The following ABCC4 variants were observed in gnomAD, a reference collection of about 807,000 sequenced individuals.
ABCC4 encodes ATP-binding cassette sub-family C member 4.
Under a neutral mutation model 168.5 loss-of-function variants are expected in ABCC4, and 102 were observed. The observed-to-expected ratio is 0.61, with a 90% CI of 0.52 to 0.71. ABCC4 has a LOEUF of 0.71. Ranked by LOEUF, ABCC4 falls within the 30% of genes least tolerant of loss-of-function variation. The pLI is 0.00. For synonymous variants in ABCC4, 617 were observed against 590.7 expected (o/e 1.04, Z -0.65); for missense variants, 1,402 against 1,605.8 (o/e 0.87, Z 2.17).
chr13:95,291,130 G>C (rs1289040361), intron 1 of ABCC4, among the ~76,000 whole-genome samples: 1 of 152,044 alleles, frequency 6.6e-6, no homozygotes, highest in Non-Finnish European at 1.5e-5. Flanking sequence ...AAGGCAGGTG[G>C]ATCACTTGAG....
At chr13:95,182,587 A>T (rs568056835) in intron 11 of ABCC4, among the ~76,000 whole-genome samples, 1 of 152,362 alleles carries the variant, frequency 6.6e-6, no homozygotes, top group African/African-American at 2.4e-5. Context: ...GGCTCTTATA[A>T]TTAAGAAGGC....
At chr13:95,067,281 C>T (rs118157038) in intron 25 of ABCC4, among the ~76,000 whole-genome samples, 3,011 of 152,164 alleles carry the variant, frequency 0.02, 43 homozygotes, top group Non-Finnish European at 0.029. Flanking sequence ...GGGAATCACA[C>T]AGAATTAAAT....
intron 4 of ABCC4, among the ~76,000 whole-genome samples, chr13:95,223,355 A>G (rs1468652303): frequency 6.6e-6 from 1 of 152,222 alleles, no homozygotes; most frequent in Admixed American, 6.5e-5. Flanking sequence ...TATAAATAAT[A>G]AAAGTAAATC....
chr13:95,180,782 G>C (rs2037864541), intron 11 of ABCC4, among the ~76,000 whole-genome samples: 1 of 152,148 alleles, frequency 6.6e-6, no homozygotes, highest in African/African-American at 2.4e-5. Flanking sequence ...AGTTGTAGCA[G>C]AGCAATCTTA....
At position 95,209,540 on chromosome 13, in the gene ABCC4, C is replaced by A. The variant is rs375791420; in HGVS notation, c.679G>T (p.Ala227Ser). 204 of 1,614,046 alleles carry A rather than the reference C, an allele frequency of 1.3e-4. No individual in the cohort carries two copies. Among genetic ancestry groups the A allele is most frequent in the Middle Eastern group, 1.6e-4 (1 of 6,084 alleles). The change falls in exon 6 of 31, where the codon GCC (alanine) becomes TCC (serine). Residue 227 changes from alanine (A) to serine (S), a missense_variant. This residue lies in a region of ABCC4 where 317 missense variants were observed against 345.5 expected (regional missense o/e 0.92). Coordinates refer to ENST00000645237, the MANE Select transcript of ABCC4 (RefSeq NM_005845.5). The stretch of plus-strand genomic sequence containing the variant: ...ATTCCTATCTCCATCCAGAGTAGGG[C>A]AGTCACTGCAATCGCCTGCAGTGGT... The part of the protein sequence containing the change: ...AGPLQAIAVT[A>S]LLWMEIGISC...
At chr13:95,036,898 A>G (rs2032144907) in intron 29 of ABCC4, among the ~76,000 whole-genome samples, 1 of 152,094 alleles carries the variant, frequency 6.6e-6, no homozygotes, top group Admixed American at 6.5e-5. Flanking sequence ...AGCCTGGCCA[A>G]CATGACAAAA....
intron 19 of ABCC4, among the ~76,000 whole-genome samples, chr13:95,142,214 C>T (rs957960364): frequency 4.6e-5 from 7 of 151,978 alleles, no homozygotes; most frequent in South Asian, 4.2e-4. Flanking sequence ...ATAAAGAAAC[C>T]GTGGAATATA....
In ABCC4 at chr13:95,296,135, A is replaced by AACACAC. The variant is rs753316849; in HGVS notation, c.74+5100_74+5105dup. 1.5e-3 allele frequency among the ~76,000 whole-genome samples: 146 copies of AACACAC among 98,952 alleles called. 1 individual carries two copies. The highest frequency in any genetic ancestry group is 5.7e-3 in the African/African-American group (142 of 24,784). The allele number at this position is 98,952 out of a possible 152,430, so 64.9% of individuals were successfully genotyped here. ...GCAACAGAGCAAGACCCTGTCTCAA[A>AACACAC]ACACACACACACACACACACACACA... On this transcript the variant is annotated intron_variant, in intron 1 of 30. Transcript: ENST00000645237.
chr13:95,205,657 T>C (rs571366806), intron 8 of ABCC4, among the ~76,000 whole-genome samples: 30 of 152,338 alleles, frequency 2.0e-4, no homozygotes, highest in African/African-American at 7.2e-4. Flanking sequence ...GTGGATGCTA[T>C]GGTTTGAATG....
At chr13:95,254,511 T>C (rs968930191) in intron 1 of ABCC4, among the ~76,000 whole-genome samples, 1 of 152,084 alleles carries the variant, frequency 6.6e-6, no homozygotes, top group Non-Finnish European at 1.5e-5. Context: ...CACCTTTTCA[T>C]CCCACAAAAA....
At chr13:95,213,224 C>T (rs145738922) in intron 4 of ABCC4, among the ~76,000 whole-genome samples, 5 of 152,024 alleles carry the variant, frequency 3.3e-5, no homozygotes, top group East Asian at 3.9e-4. Flanking sequence ...AAAACTGTAA[C>T]GTTGGGCAAA....
intron 1 of ABCC4, among the ~76,000 whole-genome samples, chr13:95,252,957 C>T (rs2040304317): frequency 6.6e-6 from 1 of 152,238 alleles, no homozygotes; most frequent in African/African-American, 2.4e-5. Context: ...GAATTCAACA[C>T]TTATTTTAAA....
chr13:95,178,118 GAA>G (rs1244337786), intron 11 of ABCC4, 27 bp from the exon 12 acceptor site: 2 of 1,591,304 alleles, frequency 1.3e-6, no homozygotes, highest in Non-Finnish European at 1.7e-6. Context: ...AAGAAGGGGG[GAA>G]AAAGAGACTT....
intron 20 of ABCC4, among the ~76,000 whole-genome samples, chr13:95,109,558 T>A (rs1411408402): frequency 1.3e-5 from 2 of 152,194 alleles, no homozygotes; most frequent in Non-Finnish European, 2.9e-5. Flanking sequence ...GCAAAACAAA[T>A]CTATTTAGAT....
In ABCC4 at chr13:95,194,915, A is replaced by G. The variant is rs1211159189; in HGVS notation, c.1184T>C (p.Ile395Thr). Residue 395 changes from isoleucine to threonine, a missense_variant, in exon 9 of 31, where the codon ATA (isoleucine) becomes ACA (threonine). Physicochemically the swap from Ile to Thr is moderately conservative, Grantham distance 89. Around this residue, in one of 3 missense-constraint regions of ABCC4, gnomAD observed 1,007 missense variants for 1,127.3 expected, o/e 0.89. Transcript: ENST00000645237. ...CGGCAGCTGACGGTTGCGCTGTGAT[A>G]TCTCATCAAGTAGCAAAAAGGTCTA... ...RIQTFLLLDE[I>T]SQRNRQLPSD... 2.5e-6 allele frequency: 4 copies of G among 1,614,008 alleles called. No individual in the cohort carries two copies. In the Admixed American group the frequency reaches 5.0e-5, roughly 20 times the overall value.
At chr13:95,284,467 G>A (rs932235630) in intron 1 of ABCC4, among the ~76,000 whole-genome samples, 1 of 152,200 alleles carries the variant, frequency 6.6e-6, no homozygotes, top group Non-Finnish European at 1.5e-5. Flanking sequence ...GGGATTATAG[G>A]CATGAGCCAC....
intron 27 of ABCC4, among the ~76,000 whole-genome samples, chr13:95,052,279 C>G (rs547139630): frequency 6.6e-6 from 1 of 152,184 alleles, no homozygotes; most frequent in South Asian, 2.1e-4. Flanking sequence ...CTGCACCCAG[C>G]CTTAAATGCT....
At chr13:95,183,634 C>T (rs937280974) in intron 11 of ABCC4, among the ~76,000 whole-genome samples, 1 of 152,174 alleles carries the variant, frequency 6.6e-6, no homozygotes, top group Non-Finnish European at 1.5e-5. Context: ...CCGAGCTGGT[C>T]GTGCGCAGTG....
chr13:95,207,416 C>T (rs761940832), intron 7 of ABCC4, among the ~76,000 whole-genome samples: 1 of 152,308 alleles, frequency 6.6e-6, no homozygotes, highest in East Asian at 1.9e-4. Flanking sequence ...ATAGTTTGGT[C>T]CAATATAGAT....
Sources: allele counts gnomAD v4.1 joint callset (sites outside exome capture counted in the v4.1 genomes callset), GRCh38; gene constraint gnomAD v4.1.1; regional missense constraint gnomAD v4.1.1; transcripts MANE v1.5; gene names NCBI Gene and HGNC (gene_info 2026-07-23, HGNC 2026-07-21).